ASIP: variants seen among roughly 807,000 people sequenced by gnomAD.
The protein encoded by ASIP is agouti-signaling protein.
A neutral mutation model predicts 10.3 loss-of-function variants in ASIP; 11 were observed. The ratio of observed to expected loss-of-function variants is 1.07; its 90% confidence interval spans 0.68 to 1.78. The LOEUF (loss-of-function observed/expected upper bound fraction) is 1.78. Among genes scored for constraint, ASIP ranks in the 40% most tolerant of loss-of-function variants. ASIP has a pLI of 0.00. For missense variants in ASIP, 180 were observed against 169.2 expected, an observed-to-expected ratio of 1.06 and a Z score of -0.35; for synonymous variants, 70 against 70.8, an observed-to-expected ratio of 0.99 and a Z score of 0.06.
chr20:34,209,389 T>A (rs1041285149), intron 1 of ASIP, among the ~76,000 whole-genome samples: 10 of 152,220 alleles, frequency 6.6e-5, no homozygotes, highest in Admixed American at 3.9e-4. Context: ...GCTACTGACC[T>A]GGGCCTTCCT....
intron 1 of ASIP, among the ~76,000 whole-genome samples, chr20:34,242,849 G>C (rs902600776): frequency 6.6e-6 from 1 of 152,232 alleles, no homozygotes; most frequent in Non-Finnish European, 1.5e-5. Flanking sequence ...ATGAGTGCTT[G>C]TGCAGAATGC....
chr20:34,263,698 C>T (rs1298947873), intron 3 of ASIP, among the ~76,000 whole-genome samples: 5 of 134,580 alleles, frequency 3.7e-5, no homozygotes, highest in East Asian at 2.2e-4. Context: ...ATGGAGTTTT[C>T]GCTCTCGTTG....
At position 34,269,104 on chromosome 20, in the gene ASIP, C is replaced by G; in HGVS notation, c.336C>G (p.Ala112=). ...PPAPACCDPC[A]SCQCRFFRSA... Reference sequence around the variant, plus strand: ...CACCCGCCTGCTGCGACCCGTGCGCCTCCTGCCAGTGCCGCTTCTTCCGCA... The same window carrying G: ...CACCCGCCTGCTGCGACCCGTGCGCGTCCTGCCAGTGCCGCTTCTTCCGCA... Residue 112 remains alanine, a synonymous_variant, in exon 4 of 4, where the codon GCC becomes GCG. Coordinates refer to ENST00000374954, the MANE Select transcript of ASIP (RefSeq NM_001672.3). The G allele has an allele frequency of 6.4e-7, 1 of 1,566,664 alleles. No individual in the cohort carries two copies. The highest frequency in any genetic ancestry group is 8.6e-7 in the Non-Finnish European group (1 of 1,156,654).
intron 1 of ASIP, among the ~76,000 whole-genome samples, chr20:34,245,000 C>G (rs1040607936): frequency 3.9e-5 from 6 of 152,002 alleles, no homozygotes; most frequent in African/African-American, 1.5e-4. Context: ...AAAAATGCTC[C>G]ACATAAAAAG....
intron 1 of ASIP, chr20:34,213,529 G>C: frequency 6.6e-7 from 1 of 1,514,964 alleles, no homozygotes; most frequent in Admixed American, 1.9e-5. Context: ...TTCTTCTGCG[G>C]GCCAGAGTAG....
intron 1 of ASIP, among the ~76,000 whole-genome samples, chr20:34,254,878 A>G (rs1318662109): frequency 6.6e-6 from 1 of 152,172 alleles, no homozygotes; most frequent in East Asian, 1.9e-4. Flanking sequence ...TATTATACCC[A>G]AATAAGATTT....
In ASIP at chr20:34,210,488, C is replaced by T. The variant is rs572855844; in HGVS notation, c.-11+15728C>T. Reference sequence around the variant, plus strand: ...ACAGCAGCTGACATGCTTGACTGTGCGCAGTGGCCAGACCCCCATGCTTGC... The same window carrying T: ...ACAGCAGCTGACATGCTTGACTGTGTGCAGTGGCCAGACCCCCATGCTTGC... On this transcript the variant is annotated intron_variant, in intron 1 of 3. Transcript: ENST00000568305. 7.2e-4 allele frequency among the ~76,000 whole-genome samples: 109 copies of T among 152,352 alleles called. No homozygotes were observed. The Middle Eastern group carries it at 0.01, about 14-fold the overall frequency.
chr20:34,189,288 G>A, the ASIP span, among the ~76,000 whole-genome samples: 6 of 151,942 alleles, frequency 3.9e-5, no homozygotes, highest in Admixed American at 6.6e-5. Context: ...TGTTGCCCAG[G>A]CTGGAGTGCA....
At chr20:34,233,731 A>G (rs572699300) in intron 1 of ASIP, among the ~76,000 whole-genome samples, 7 of 152,326 alleles carry the variant, frequency 4.6e-5, no homozygotes, top group African/African-American at 1.7e-4. Context: ...TATTATCACC[A>G]TCCAGAAAGC....
chr20:34,267,696 TA>T (rs2035811958), intron 3 of ASIP, among the ~76,000 whole-genome samples: 1 of 152,068 alleles, frequency 6.6e-6, no homozygotes, highest in Admixed American at 6.6e-5. Flanking sequence ...CATGCTGGGC[TA>T]ATTTTTGTAT....
intron 3 of ASIP, among the ~76,000 whole-genome samples, chr20:34,263,631 G>A (rs2035734092): frequency 6.6e-6 from 1 of 151,844 alleles, no homozygotes; most frequent in East Asian, 1.9e-4. Flanking sequence ...TTGAACTCAT[G>A]GGTCCACTTA....
At chr20:34,212,534 A>G (rs2034981219) in intron 1 of ASIP, among the ~76,000 whole-genome samples, 1 of 152,218 alleles carries the variant, frequency 6.6e-6, no homozygotes, top group South Asian at 2.1e-4. Context: ...GTATATTTTA[A>G]TATTGATGCA....
chr20:34,215,173 C>A, intron 1 of ASIP: 7 of 1,599,360 alleles, frequency 4.4e-6, no homozygotes, highest in Non-Finnish European at 6.0e-6. Flanking sequence ...TGCTTCTTCC[C>A]GTAGAACTTC....
chr20:34,198,674 T>G (rs1413702759), intron 1 of ASIP, among the ~76,000 whole-genome samples: 1 of 151,858 alleles, frequency 6.6e-6, no homozygotes, highest in Non-Finnish European at 1.5e-5. Context: ...TTTGTAGAGA[T>G]AGGGTCTTGC....
chr20:34,223,226 C>A (rs1412149240), intron 1 of ASIP, among the ~76,000 whole-genome samples: 8 of 150,196 alleles, frequency 5.3e-5, no homozygotes, highest in East Asian at 2.0e-4. Flanking sequence ...AAGTGAGGAG[C>A]GTCTCTGCCC....
rs965128850 is a variant in ASIP, at chr20:34,233,308, C to T, written c.-10-27057C>T. Among the ~76,000 whole-genome samples the T allele has an allele frequency of 5.9e-5, 9 of 152,084 alleles. No homozygotes were observed. In the South Asian group the frequency reaches 1.5e-3, roughly 25 times the overall value. On this transcript the variant is annotated intron_variant, in intron 1 of 3. Transcript: ENST00000568305. ...GACTACAGGCACCCACCACCATGCCCGGCTAATTTTTTGTATTTTTAGTAG... is the reference window on the plus strand; with the variant it reads ...GACTACAGGCACCCACCACCATGCCTGGCTAATTTTTTGTATTTTTAGTAG...
At chr20:34,201,017 C>CTTCCTTCTTTCTTTCT (rs751841818) in intron 1 of ASIP, among the ~76,000 whole-genome samples, 217 of 63,168 alleles carry the variant, frequency 3.4e-3, no homozygotes, top group South Asian at 9.9e-3. Flanking sequence ...TCCTTCCTTC[C>CTTCCTTCTTTCTTTCT]TTCTTTCTTT....
chr20:34,259,282 G>A lies in ASIP; in HGVS notation c.-10-1083G>A, dbSNP rs549367322. On this transcript the variant is annotated intron_variant, in intron 1 of 3. Coordinates refer to ENST00000374954, the MANE Select transcript of ASIP (RefSeq NM_001672.3). ...ATATAGGCCAGGTGCAGTGGCAGTG[G>A]CTGGCGGATCACTTGAGGACAAGAG... Among the ~76,000 whole-genome samples the A allele has an allele frequency of 3.3e-5, 5 of 151,928 alleles. No individual in the cohort carries two copies. In the South Asian group the frequency reaches 8.3e-4, roughly 25 times the overall value.
intron 1 of ASIP, chr20:34,215,413 T>TTCCTGATGA (rs2035000998): frequency 6.5e-7 from 1 of 1,542,104 alleles, no homozygotes. Flanking sequence ...CTCTGATGTA[T>TTCCTGATGA]GCACCACATC....
Sources: gnomAD v4.1 joint callset for allele counts (sites outside exome capture counted in the v4.1 genomes callset) on GRCh38, gnomAD v4.1.1 for gene constraint, MANE v1.5 for transcripts, NCBI Gene and HGNC (gene_info 2026-07-23, HGNC 2026-07-21) for gene names.